The following ADA2 variants were observed in gnomAD, a reference collection of about 807,000 sequenced individuals.
ADA2 encodes adenosine deaminase 2.
In ADA2, 29 loss-of-function variants were observed where a neutral mutation model predicts 44.2. That is an observed-to-expected ratio of 0.66 (90% confidence interval 0.49 to 0.89). The LOEUF (loss-of-function observed/expected upper bound fraction) is 0.89, where lower values mean the gene tolerates loss of function less well. Ranked by LOEUF, ADA2 falls within the 40% of genes least tolerant of loss-of-function variation. ADA2 has a pLI of 0.00. For synonymous variants in ADA2, 215 were observed against 234.9 expected (o/e 0.92, Z 0.77); for missense variants, 637 against 644.8 (o/e 0.99, Z 0.13).
At chr22:17,211,096 T>C (rs2062413898) in intron 1 of ADA2, among the ~76,000 whole-genome samples, 1 of 151,986 alleles carries the variant, frequency 6.6e-6, no homozygotes, top group Non-Finnish European at 1.5e-5. Flanking sequence ...GCGCGGTGGC[T>C]CACGCCTGTA....
At chr22:17,183,959 T>C (rs1272372462) in intron 7 of ADA2, among the ~76,000 whole-genome samples, 1 of 124,012 alleles carries the variant, frequency 8.1e-6, no homozygotes, top group South Asian at 2.9e-4. Context: ...ACCTTTCTTT[T>C]TTTTTTTTTT....
intron 1 of ADA2, among the ~76,000 whole-genome samples, chr22:17,218,919 G>A (rs1423321600): frequency 1.3e-5 from 2 of 152,196 alleles, no homozygotes; most frequent in African/African-American, 2.4e-5. Context: ...CCCTTTGGAA[G>A]GCCGAGGCAG....
rs1293578507 is a variant in ADA2, at chr22:17,188,422, G to T, written c.998C>A (p.Ser333Tyr). The T allele has an allele frequency of 2.5e-6, 4 of 1,613,754 alleles. No individual in the cohort carries two copies. Among genetic ancestry groups the T allele is most frequent in the Non-Finnish European group, 2.5e-6 (3 of 1,179,804 alleles). ...DLVGHEDTGH[S>Y]LHDYKEALMI... Reference sequence around the variant, plus strand: ...CAGAGCTTCCTTGTAGTCATGCAAGGAGTGGCCAGTGTCCTCATGCCCCAC... The same window carrying T: ...CAGAGCTTCCTTGTAGTCATGCAAGTAGTGGCCAGTGTCCTCATGCCCCAC... Residue 333 changes from serine to tyrosine, a missense_variant, in exon 7 of 10, where the codon TCC (serine) becomes TAC (tyrosine). Physicochemically the swap from Ser to Tyr is moderately radical, Grantham distance 144 (BLOSUM62 -2). Coordinates refer to ENST00000399837, the MANE Select transcript of ADA2 (RefSeq NM_001282225.2).
rs1487692884 is a variant in ADA2 at position 17,199,692 on chromosome 22, C to T, written c.753+3871G>A. 1.1e-5 allele frequency: 18 copies of T among 1,575,940 alleles called. No homozygotes were observed. In the East Asian group the frequency reaches 2.4e-4, roughly 21 times the overall value. ...CCAGCGCGGTGAGGAAAGCGACGAACTTAGGAGCCCTGGTCTGGGTCCAGC... is the reference window on the plus strand; with the variant it reads ...CCAGCGCGGTGAGGAAAGCGACGAATTTAGGAGCCCTGGTCTGGGTCCAGC... On this transcript the variant is annotated intron_variant, in intron 4 of 9. Transcript: ENST00000399837.
intron 3 of ADA2, among the ~76,000 whole-genome samples, chr22:17,206,372 A>C (rs2062353492): frequency 6.6e-6 from 1 of 151,978 alleles, no homozygotes; most frequent in South Asian, 2.1e-4. Context: ...CAGGAAAATC[A>C]CTTGAACCCG....
intron 3 of ADA2, among the ~76,000 whole-genome samples, chr22:17,204,952 C>T (rs1162986691): frequency 1.3e-5 from 2 of 151,970 alleles, no homozygotes; most frequent in Non-Finnish European, 2.9e-5. Context: ...TACACCACCA[C>T]ATCTGGTTAA....
chr22:17,182,775 A>T lies in ADA2; in HGVS notation c.1082-14T>A, dbSNP rs1456078047. The T allele has an allele frequency of 6.2e-7, 1 of 1,612,452 alleles. No homozygotes were observed. The highest frequency in any genetic ancestry group is 1.3e-5 in the African/African-American group (1 of 74,852). ...TACCCTGCCAGTCTGAACACACGGG[A>T]ATGGTCTTCCATGGGGGATGGATGG... On this transcript the variant is annotated splice_polypyrimidine_tract_variant and intron_variant, in intron 7 of 9. Coordinates refer to ENST00000399837, the MANE Select transcript of ADA2 (RefSeq NM_001282225.2).
rs2062060924 is a variant in ADA2 at position 17,188,195 on chromosome 22, G to T, written c.1081+144C>A. On this transcript the variant is annotated intron_variant, in intron 7 of 9. Coordinates refer to ENST00000399837, the MANE Select transcript of ADA2 (RefSeq NM_001282225.2). The stretch of plus-strand genomic sequence containing the variant: ...TATCCTTGTTATTCCTTCTCCATGG[G>T]GCTGTTGTCAGGATTAAGTGAGATA... The T allele has an allele frequency of 1.2e-5, 7 of 561,134 alleles. No individual in the cohort carries two copies. The Admixed American group carries it at 2.2e-4, about 18-fold the overall frequency. 34.8% of individuals were successfully genotyped at this position (561,134 alleles called of 1,614,324 possible). A position where few individuals can be genotyped will look rare whatever the true frequency, so the allele number is the denominator to read the frequency against.
intron 1 of ADA2, among the ~76,000 whole-genome samples, chr22:17,216,377 GAA>G (rs1209062000): frequency 7.0e-6 from 1 of 142,990 alleles, no homozygotes; most frequent in African/African-American, 2.5e-5. Context: ...CCACTCCCAG[GAA>G]AAAAAAAAAC....
chr22:17,200,125 G>A (rs917688060), intron 4 of ADA2, among the ~76,000 whole-genome samples: 1 of 152,050 alleles, frequency 6.6e-6, no homozygotes, highest in African/African-American at 2.4e-5. Context: ...AATCCGGGAG[G>A]CGGAGGTTAC....
Position 17,181,427 on chromosome 22 carries a change from G to T in ADA2, c.*56C>A. ...ATGGAGCTGATTCAAGAACGAGTGA[G>T]AGGAAGTGACAGCGTGTGCAAGAAG... On this transcript the variant is annotated 3_prime_UTR_variant, in exon 10 of 10. Transcript: ENST00000399837. 1 of 1,137,150 alleles carries T rather than the reference G, an allele frequency of 8.8e-7. No individual in the cohort carries two copies. Among genetic ancestry groups the T allele is most frequent in the Non-Finnish European group, 1.3e-6 (1 of 744,830 alleles). 70.4% of individuals were successfully genotyped at this position (1,137,150 alleles called of 1,614,324 possible).
chr22:17,206,500 CAAT>C (rs1245165993), intron 3 of ADA2, among the ~76,000 whole-genome samples: 4 of 151,978 alleles, frequency 2.6e-5, no homozygotes, highest in Non-Finnish European at 4.4e-5. Flanking sequence ...TAATAAATAA[CAAT>C]AATAATAACA....
chr22:17,219,896 G>A (rs2062510453), upstream of ADA2, among the ~76,000 whole-genome samples: 1 of 151,758 alleles, frequency 6.6e-6, no homozygotes, highest in Admixed American at 6.6e-5. Flanking sequence ...GGCTGCTCTC[G>A]AACTCCTGAC....
chr22:17,199,218 A>G (rs1290182101), intron 4 of ADA2, among the ~76,000 whole-genome samples: 1 of 152,010 alleles, frequency 6.6e-6, no homozygotes, highest in Non-Finnish European at 1.5e-5. Context: ...AGGACAGAGG[A>G]CTGGAGCTGG....
In ADA2 at chr22:17,209,370, C is replaced by T. The variant is rs1477354791; in HGVS notation, c.308G>A (p.Arg103Lys). Residue 103 changes from arginine (R) to lysine (K), a missense_variant, in exon 2 of 10, where the codon AGG becomes AAG. Arg to Lys is a conservative substitution (Grantham distance 26). Coordinates refer to ENST00000399837, the MANE Select transcript of ADA2 (RefSeq NM_001282225.2). ...IERSQVFNIL[R>K]MMPKGAALHL... ...CCAAACCTTACCTTTTGGCATCATC[C>T]TTAGAATATTAAACACTTGACTTCT... 5 of 1,613,888 alleles carry T rather than the reference C, an allele frequency of 3.1e-6. No homozygotes were observed. The highest frequency in any genetic ancestry group is 4.2e-6 in the Non-Finnish European group (5 of 1,179,924).
At chr22:17,208,880 G>A (rs1469045517) in intron 2 of ADA2, among the ~76,000 whole-genome samples, 1 of 151,540 alleles carries the variant, frequency 6.6e-6, no homozygotes, top group African/African-American at 2.4e-5. Flanking sequence ...CCAGGCTGGA[G>A]TGCAGAGGTG....
intron 1 of ADA2, among the ~76,000 whole-genome samples, chr22:17,212,867 G>C (rs1176703144): frequency 6.6e-6 from 1 of 151,138 alleles, no homozygotes; most frequent in Non-Finnish European, 1.5e-5. Flanking sequence ...GGACTCCAAA[G>C]CTCGCTGCAG....
At chr22:17,181,602 C>G (rs375565224) in intron 9 of ADA2, 26 bp from the exon 10 acceptor site, 24 of 1,520,962 alleles carry the variant, frequency 1.6e-5, no homozygotes, top group Non-Finnish European at 2.2e-5. Context: ...GAGCCCAGGT[C>G]AGCCTCAGGG....
chr22:17,201,968 T>A (rs973815729), intron 4 of ADA2, among the ~76,000 whole-genome samples: 1 of 11,904 alleles, frequency 8.4e-5, no homozygotes, highest in African/African-American at 5.5e-4. Context: ...TTCTTTTTTC[T>A]TTTTTTTTTT....
Sources: allele counts gnomAD v4.1 joint callset (sites outside exome capture counted in the v4.1 genomes callset), GRCh38; gene constraint gnomAD v4.1.1; transcripts MANE v1.5; gene names NCBI Gene and HGNC (gene_info 2026-07-23, HGNC 2026-07-21).